Variants in PRDM16 observed in about 807,000 individuals in gnomAD.
The protein encoded by PRDM16 is PR/SET domain 16.
Under a neutral mutation model 110.6 loss-of-function variants are expected in PRDM16, and 23 were observed. That is an observed-to-expected ratio of 0.21 (90% CI 0.15 to 0.29). The LOEUF is 0.29. Ranked by LOEUF, PRDM16 falls within the 10% of genes least tolerant of loss-of-function variation. PRDM16 has a pLI of 1.00. For synonymous variants in PRDM16, 799 were observed against 781.8 expected (o/e 1.02, Z -0.37); for missense variants, 1,615 against 1,794.3 (o/e 0.90, Z 1.81).
chr1:3,360,219 GGGC>G (rs1347541584), intron 3 of PRDM16, among the ~76,000 whole-genome samples: 1 of 152,226 alleles, frequency 6.6e-6, no homozygotes, highest in Non-Finnish European at 1.5e-5. Flanking sequence ...ATGCAGCTGA[GGGC>G]GCTTGCGGGC....
intron 6 of PRDM16, among the ~76,000 whole-genome samples, chr1:3,403,807 C>G (rs562792643): frequency 6.6e-6 from 1 of 152,162 alleles, no homozygotes; most frequent in African/African-American, 2.4e-5. Context: ...AGGACAGCCT[C>G]GCAAAGTCAG....
intron 1 of PRDM16, among the ~76,000 whole-genome samples, chr1:3,153,607 C>G (rs886097632): frequency 6.6e-6 from 1 of 152,180 alleles, no homozygotes; most frequent in Non-Finnish European, 1.5e-5. Flanking sequence ...CAGTTTCTCT[C>G]GCTATGAGTT....
At chr1:3,100,074 G>C (rs537578248) in intron 1 of PRDM16, among the ~76,000 whole-genome samples, 17 of 152,174 alleles carry the variant, frequency 1.1e-4, no homozygotes, top group Admixed American at 2.0e-4. Flanking sequence ...GGAGAGGCCC[G>C]GCACTGCCCT....
chr1:3,277,727 A>G (rs1341406216), intron 3 of PRDM16, among the ~76,000 whole-genome samples: 16 of 148,722 alleles, frequency 1.1e-4, no homozygotes, highest in East Asian at 5.8e-4. Flanking sequence ...GCACACACAC[A>G]CGCGCGCACA....
chr1:3,404,946 C>T, intron 7 of PRDM16, 60 bp downstream of exon 7: 1 of 1,562,458 alleles, frequency 6.4e-7, no homozygotes, highest in Non-Finnish European at 8.7e-7. Context: ...AGACGGGCGC[C>T]CGCCCCCGTG....
intron 1 of PRDM16, among the ~76,000 whole-genome samples, chr1:3,167,221 C>T (rs1310623219): frequency 1.3e-5 from 2 of 152,178 alleles, no homozygotes; most frequent in African/African-American, 2.4e-5. Context: ...AGGCCCCTGT[C>T]CCTCCCAGGC....
chr1:3,108,121 A>G (rs557102156), intron 1 of PRDM16, among the ~76,000 whole-genome samples: 1 of 152,384 alleles, frequency 6.6e-6, no homozygotes, highest in Non-Finnish European at 1.5e-5. Context: ...TGCAGCACAC[A>G]GAGTGTGAAA....
rs1403530257 is a variant in PRDM16, at chr1:3,382,544, C to T, written c.439-2608C>T. ...TGAACAGCAGGGTGGCCACAGACTC[C>T]CCACCAAAGCGAGGCTTGAGCCAGC... is the stretch of plus-strand genomic sequence containing the variant. On this transcript the variant is annotated intron_variant, in intron 3 of 16. Transcript: ENST00000270722. This position sits in a 1 kb window ranked among gnomAD's most constrained non-coding sequence, Gnocchi z 6.6. Among the ~76,000 whole-genome samples the T allele has an allele frequency of 6.6e-6, 1 of 152,306 alleles. No individual in the cohort carries two copies. Among genetic ancestry groups the T allele is most frequent in the East Asian group, 1.9e-4 (1 of 5,186 alleles).
At chr1:3,240,730 A>G (rs1639650858) in intron 2 of PRDM16, among the ~76,000 whole-genome samples, 1 of 152,252 alleles carries the variant, frequency 6.6e-6, no homozygotes, top group Non-Finnish European at 1.5e-5. Context: ...GGGCGGCGCC[A>G]GAACTCCAGA....
chr1:3,333,358 C>T (rs1642081362), intron 3 of PRDM16, among the ~76,000 whole-genome samples: 1 of 152,114 alleles, frequency 6.6e-6, no homozygotes, highest in Non-Finnish European at 1.5e-5. Flanking sequence ...CCACTTCCCA[C>T]AACGGGGAGG....
intron 3 of PRDM16, among the ~76,000 whole-genome samples, chr1:3,294,936 A>G (rs916881606): frequency 6.6e-6 from 1 of 152,210 alleles, no homozygotes; most frequent in Non-Finnish European, 1.5e-5. Flanking sequence ...GGAAGTGGCC[A>G]TCGGTGTCAG....
intron 3 of PRDM16, among the ~76,000 whole-genome samples, chr1:3,376,317 C>T (rs1642989455): frequency 6.6e-6 from 1 of 152,214 alleles, no homozygotes; most frequent in Non-Finnish European, 1.5e-5. Context: ...CGTTGCATTC[C>T]TCAGATCTGC....
intron 1 of PRDM16, among the ~76,000 whole-genome samples, chr1:3,117,341 A>G (rs1484439346): frequency 2.6e-5 from 4 of 152,028 alleles, no homozygotes; most frequent in African/African-American, 9.7e-5. Context: ...ATTGGATTAG[A>G]CCGTGCAGGG....
chr1:3,430,809 T>C, intron 14 of PRDM16, 63 bp from the exon 15 acceptor site: 1 of 1,587,444 alleles, frequency 6.3e-7, no homozygotes, highest in East Asian at 2.2e-5. Flanking sequence ...CACCAGCCTT[T>C]GGGGGTCCAT....
intron 3 of PRDM16, among the ~76,000 whole-genome samples, chr1:3,383,934 C>T (rs10909935): frequency 0.1 from 15,818 of 151,426 alleles, 858 homozygotes; most frequent in Middle Eastern, 0.13. Flanking sequence ...TGCCCAAGGA[C>T]ACACTTGCCC....
intron 2 of PRDM16, among the ~76,000 whole-genome samples, chr1:3,214,056 C>T (rs1227784525): frequency 6.6e-6 from 1 of 152,150 alleles, no homozygotes; most frequent in East Asian, 1.9e-4. Flanking sequence ...CAGCCCCGCC[C>T]CTTGTCTGCA....
chr1:3,321,871 T>C (rs1458735011), intron 3 of PRDM16, among the ~76,000 whole-genome samples: 1 of 151,838 alleles, frequency 6.6e-6, no homozygotes, highest in Admixed American at 6.6e-5. Flanking sequence ...TGTGCATTTG[T>C]GTGTGGGTGC....
chr1:3,086,295 C>T (rs906081558), intron 1 of PRDM16, among the ~76,000 whole-genome samples: 3 of 152,094 alleles, frequency 2.0e-5, no homozygotes, highest in Admixed American at 6.5e-5. Flanking sequence ...GCACCTGCTG[C>T]GACCCCCAGG....
Position 3,417,835 on chromosome 1 carries a change from C to T in PRDM16, c.2699C>T (p.Ala900Val), listed in dbSNP as rs1279942845. The change falls in exon 11 of 17, where the codon GCC (alanine) becomes GTC (valine). Residue 900 changes from alanine to valine, a missense_variant. By Grantham distance (64) the Ala-to-Val change is moderately conservative. Transcript: ENST00000270722. ...SPLLFHPQMS[A>V]IETMTEKLES... ...CCACTCTTATGCCTACAGATGTCAG[C>T]CATAGAGACCATGACAGAGAAGCTG... 2 of 1,613,542 alleles carry T rather than the reference C, an allele frequency of 1.2e-6. No individual in the cohort carries two copies. The highest frequency in any genetic ancestry group is 2.2e-5 in the East Asian group (1 of 44,890).
Sources: allele counts gnomAD v4.1 joint callset (sites outside exome capture counted in the v4.1 genomes callset), GRCh38; gene constraint gnomAD v4.1.1; non-coding constraint Gnocchi (gnomAD v3.1); transcripts MANE v1.5; gene names NCBI Gene and HGNC (gene_info 2026-07-23, HGNC 2026-07-21).